The following UNC13C variants were observed in gnomAD, a reference collection of about 807,000 sequenced individuals.
UNC13C encodes protein unc-13 homolog C.
UNC13C carries 174 observed loss-of-function variants against 245.4 expected under a neutral mutation model. That is an observed-to-expected ratio of 0.71 (90% CI 0.63 to 0.80). The LOEUF is 0.80. UNC13C is among the 30% of genes least tolerant of loss of function. The probability of loss-of-function intolerance (pLI) is 0.00; values close to 1 mark genes in which losing one functional copy is unlikely to be tolerated. For synonymous variants in UNC13C, 992 were observed against 895.1 expected, an observed-to-expected ratio of 1.11 and a Z score of -1.93; for missense variants, 2,829 against 2,602.9, an observed-to-expected ratio of 1.09 and a Z score of -1.89.
At chr15:54,439,352 T>C (rs1567272599) in intron 19 of UNC13C, among the ~76,000 whole-genome samples, 1 of 152,026 alleles carries the variant, frequency 6.6e-6, no homozygotes, top group Non-Finnish European at 1.5e-5. Context: ...TTCTTTCGAC[T>C]ATGTAATCTA....
At chr15:54,148,051 C>T (rs1180524121) in intron 4 of UNC13C, among the ~76,000 whole-genome samples, 1 of 152,112 alleles carries the variant, frequency 6.6e-6, no homozygotes, top group Non-Finnish European at 1.5e-5. Flanking sequence ...TTCTGTTCAA[C>T]CTCTACCAGA....
At chr15:54,191,974 A>C (rs2141327045) in intron 4 of UNC13C, among the ~76,000 whole-genome samples, 1 of 152,244 alleles carries the variant, frequency 6.6e-6, no homozygotes, top group Admixed American at 6.5e-5. Flanking sequence ...GATAGATTGC[A>C]AAAATTTTCT....
At chr15:54,108,099 A>G (rs1900541926) in intron 2 of UNC13C, among the ~76,000 whole-genome samples, 1 of 152,224 alleles carries the variant, frequency 6.6e-6, no homozygotes, top group African/African-American at 2.4e-5. Flanking sequence ...GTTTCGCAGG[A>G]ATCAATGCTT....
At chr15:54,458,979 G>T (rs2141022212) in intron 19 of UNC13C, among the ~76,000 whole-genome samples, 1 of 151,858 alleles carries the variant, frequency 6.6e-6, no homozygotes, top group South Asian at 2.1e-4. Flanking sequence ...TTGTGTTATT[G>T]ATTTATAGGT....
chr15:54,449,674 G>C (rs190476850), intron 19 of UNC13C, among the ~76,000 whole-genome samples: 5 of 152,026 alleles, frequency 3.3e-5, no homozygotes, highest in African/African-American at 1.2e-4. Flanking sequence ...TTAGCCATTC[G>C]ACTAATCATT....
intron 13 of UNC13C, among the ~76,000 whole-genome samples, chr15:54,305,969 A>G (rs1218876649): frequency 1.3e-5 from 2 of 152,032 alleles, no homozygotes; most frequent in Non-Finnish European, 2.9e-5. Flanking sequence ...TTTTGAGCAC[A>G]TTCCCATTTC....
At chr15:54,449,226 C>T (rs1891014722) in intron 19 of UNC13C, among the ~76,000 whole-genome samples, 2 of 152,144 alleles carry the variant, frequency 1.3e-5, no homozygotes, top group Admixed American at 6.6e-5. Context: ...TTCATTTCAA[C>T]TTTGGTGAAT....
chr15:54,152,181 A>C (rs890262074), intron 4 of UNC13C, among the ~76,000 whole-genome samples: 2 of 152,106 alleles, frequency 1.3e-5, no homozygotes, highest in Admixed American at 6.5e-5. Context: ...ACTCATTCAC[A>C]ATTTTTTTTC....
intron 2 of UNC13C, among the ~76,000 whole-genome samples, chr15:54,016,488 T>C (rs1184388652): frequency 6.6e-6 from 1 of 152,168 alleles, no homozygotes; most frequent in Non-Finnish European, 1.5e-5. Flanking sequence ...CCCTAGGTCA[T>C]GTCTGAGTGG....
intron 17 of UNC13C, among the ~76,000 whole-genome samples, chr15:54,381,152 G>A (rs546820958): frequency 2.0e-5 from 3 of 152,092 alleles, no homozygotes; most frequent in South Asian, 2.1e-4. Context: ...GTCAAATAAG[G>A]GTATAATTTT....
chr15:54,593,545 T>C (rs758024871), intron 30 of UNC13C, among the ~76,000 whole-genome samples: 2 of 152,150 alleles, frequency 1.3e-5, no homozygotes, highest in Admixed American at 1.3e-4. Context: ...TTTGTCTTTG[T>C]CTTTGTTGGA....
chr15:54,128,601 T>A (rs1400272423), intron 2 of UNC13C, among the ~76,000 whole-genome samples: 1 of 152,170 alleles, frequency 6.6e-6, no homozygotes, highest in Non-Finnish European at 1.5e-5. Context: ...AGACTTTGGA[T>A]CTTATTAAAA....
At chr15:54,349,809 C>G (rs2038939882) in intron 17 of UNC13C, among the ~76,000 whole-genome samples, 1 of 151,948 alleles carries the variant, frequency 6.6e-6, no homozygotes, top group South Asian at 2.1e-4. Context: ...TGGAGGCAAC[C>G]CAGGTATCTT....
At chr15:54,347,495 A>G in intron 17 of UNC13C, among the ~76,000 whole-genome samples, 1 of 152,196 alleles carries the variant, frequency 6.6e-6, no homozygotes, top group South Asian at 2.1e-4. Flanking sequence ...ACACATGTAC[A>G]CTTTTAGTTC....
chr15:54,131,392 C>G (rs1429870661), intron 2 of UNC13C, among the ~76,000 whole-genome samples: 1 of 152,188 alleles, frequency 6.6e-6, no homozygotes, highest in Non-Finnish European at 1.5e-5. Context: ...ATACAGTAGT[C>G]TCCCTGATCT....
intron 29 of UNC13C, among the ~76,000 whole-genome samples, chr15:54,561,663 A>G (rs541254087): frequency 6.1e-4 from 93 of 152,164 alleles, no homozygotes; most frequent in African/African-American, 1.9e-3. Flanking sequence ...TTGAAAATAC[A>G]GAGGTCCTTT....
chr15:54,228,815 C>A (rs1027868239), intron 4 of UNC13C, among the ~76,000 whole-genome samples: 1 of 152,166 alleles, frequency 6.6e-6, no homozygotes, highest in Non-Finnish European at 1.5e-5. Context: ...GCTGTGCTGC[C>A]TGGGGTTGGG....
chr15:54,405,399 A>T (rs1399296683), intron 18 of UNC13C, among the ~76,000 whole-genome samples: 2 of 152,188 alleles, frequency 1.3e-5, no homozygotes, highest in African/African-American at 4.8e-5. Context: ...TCTAGCAAAT[A>T]TGCAGATGGT....
chr15:54,021,187 G>A (rs1240763141), intron 2 of UNC13C, among the ~76,000 whole-genome samples: 4 of 151,638 alleles, frequency 2.6e-5, no homozygotes, highest in South Asian at 2.1e-4. Flanking sequence ...TTTTTTTAGT[G>A]AGAACATGAC....
Sources: gnomAD v4.1 joint callset for allele counts (sites outside exome capture counted in the v4.1 genomes callset) on GRCh38, gnomAD v4.1.1 for gene constraint, MANE v1.5 for transcripts, NCBI Gene and HGNC (gene_info 2026-07-23, HGNC 2026-07-21) for gene names.